Variants in SMC2 observed in about 807,000 individuals in gnomAD.
SMC2 encodes structural maintenance of chromosomes protein 2.
Under a neutral mutation model 142.6 loss-of-function variants are expected in SMC2, and 41 were observed. That is an observed-to-expected ratio of 0.29 (90% CI 0.22 to 0.37). The LOEUF (loss-of-function observed/expected upper bound fraction) is 0.37. Ranked by LOEUF, SMC2 falls within the 10% of genes least tolerant of loss-of-function variation. SMC2 has a pLI of 1.00. For synonymous variants in SMC2, 463 were observed against 457.5 expected (o/e 1.01, Z -0.15); for missense variants, 1,265 against 1,373.7 (o/e 0.92, Z 1.25).
chr9:104,100,799 G>A lies in SMC2; in HGVS notation c.636+366G>A, dbSNP rs527451076. Among the ~76,000 whole-genome samples the A allele has an allele frequency of 4.6e-5, 7 of 152,218 alleles. No individual in the cohort carries two copies. In the East Asian group the frequency reaches 1.2e-3, roughly 25 times the overall value. On this transcript the variant is annotated intron_variant, in intron 7 of 24. Transcript: ENST00000374793. ...GAGAACAATTTCCAGGATAACAGGG[G>A]CTATCACTATAATTATTGCTATCAA...
chr9:104,113,464 T>C lies in SMC2; in HGVS notation c.1403T>C (p.Leu468Pro), dbSNP rs748001380. ...AAACTTGAAGCTGAAATGAAAAAGC[T>C]AAATTATGAAGGTTTGCCTTTAAAA... ...KEKLEAEMKK[L>P]NYEENKEESL... Residue 468 changes from leucine (L) to proline (P), a missense_variant, in exon 11 of 25, where the codon CTA becomes CCA. Physicochemically the swap from Leu to Pro is moderately conservative, Grantham distance 98. This residue lies in a region of SMC2 where 898 missense variants were observed against 904.2 expected (regional missense o/e 0.99). Coordinates refer to ENST00000374793, the MANE Select transcript of SMC2 (RefSeq NM_006444.3). 6.2e-7 allele frequency: 1 copy of C among 1,601,118 alleles called. No individual in the cohort carries two copies. Among genetic ancestry groups the C allele is most frequent in the Non-Finnish European group, 8.5e-7 (1 of 1,175,598 alleles).
rs778988810 is a variant in SMC2, at chr9:104,139,184, G to T, written c.3463G>T (p.Val1155Phe). 1 of 1,598,342 alleles carries T rather than the reference G, an allele frequency of 6.3e-7. No homozygotes were observed. The change falls in exon 25 of 25, where the codon GTT (valine) becomes TTT (phenylalanine). Residue 1155 changes from valine to phenylalanine, a missense_variant. Physicochemically the swap from Val to Phe is conservative, Grantham distance 50. Around this residue, in one of 4 missense-constraint regions of SMC2, gnomAD observed 192 missense variants for 261.9 expected, o/e 0.73. Coordinates refer to ENST00000374793, the MANE Select transcript of SMC2 (RefSeq NM_006444.3). ...LKEGMFNNAN[V>F]LFKTKFVDGV... ...AGAAGGTATGTTCAACAATGCAAACGTTCTTTTCAAAACCAAGTTTGTGGA... is the reference window on the plus strand; with the variant it reads ...AGAAGGTATGTTCAACAATGCAAACTTTCTTTTCAAAACCAAGTTTGTGGA...
chr9:104,126,741 A>G lies in SMC2; in HGVS notation c.2552A>G (p.Glu851Gly). ...GTAAATGAAGCTATCAAATCCTATG[A>G]AAGTCAGATTGAAGTAATGGCAGCT... is the stretch of plus-strand genomic sequence containing the variant. The part of the protein sequence containing the change: ...EAVNEAIKSY[E>G]SQIEVMAAEV... Residue 851 changes from glutamate (E) to glycine (G), a missense_variant, in exon 19 of 25, where the codon GAA (glutamate) becomes GGA (glycine). This residue lies in a region of SMC2 where 898 missense variants were observed against 904.2 expected (regional missense o/e 0.99). Transcript: ENST00000374793. The G allele has an allele frequency of 6.2e-7, 1 of 1,612,656 alleles. No homozygotes were observed. The highest frequency in any genetic ancestry group is 8.5e-7 in the Non-Finnish European group (1 of 1,179,572).
intron 9 of SMC2, among the ~76,000 whole-genome samples, chr9:104,103,806 T>A (rs1037070184): frequency 6.6e-6 from 1 of 152,246 alleles, no homozygotes. Context: ...AGAAATACAT[T>A]GTTGAATTAA....
intron 9 of SMC2, among the ~76,000 whole-genome samples, chr9:104,109,656 A>G (rs1019888590): frequency 6.6e-5 from 10 of 152,318 alleles, no homozygotes; most frequent in Middle Eastern, 6.8e-3. Flanking sequence ...TTATTAGCAG[A>G]TTTTTCTCAA....
chr9:104,092,036 A>G (rs1308579910), upstream of SMC2: 1 of 152,160 alleles, frequency 6.6e-6, no homozygotes, highest in Non-Finnish European at 1.5e-5. Flanking sequence ...TACCCCTCAC[A>G]TCTCCAAATT....
chr9:104,094,349 T>A lies in SMC2; in HGVS notation c.-190T>A, dbSNP rs1830198739. ...TCCGGCGCGGGTGTTGAGAGCGGTG[T>A]GGCAGGTGTTGTAGCCGCTATGGTG... On this transcript the variant is annotated 5_prime_UTR_variant, in exon 1 of 25. Coordinates refer to ENST00000374793, the MANE Select transcript of SMC2 (RefSeq NM_006444.3). 5.0e-6 allele frequency: 2 copies of A among 398,582 alleles called. No homozygotes were observed. Among genetic ancestry groups the A allele is most frequent in the Non-Finnish European group, 8.8e-6 (2 of 226,198 alleles). The allele number at this position is 398,582 out of a possible 1,614,324, so 24.7% of individuals were successfully genotyped here. A position where few individuals can be genotyped will look rare whatever the true frequency, so the allele number is the denominator to read the frequency against.
At chr9:104,116,155 T>TGTC in intron 13 of SMC2, 45 bp from the exon 14 acceptor site, 2 of 1,538,952 alleles carry the variant, frequency 1.3e-6, no homozygotes, top group Non-Finnish European at 8.7e-7. Flanking sequence ...CTCAATTTTC[T>TGTC]GTCATTTTTA....
At chr9:104,117,476 G>A (rs548694785) in intron 14 of SMC2, among the ~76,000 whole-genome samples, 2 of 152,290 alleles carry the variant, frequency 1.3e-5, no homozygotes, top group East Asian at 1.9e-4. Context: ...GAAGCATTGT[G>A]ATCAAAATAG....
intron 14 of SMC2, 143 bp from the exon 15 acceptor site, chr9:104,118,028 T>G: frequency 3.2e-6 from 2 of 623,764 alleles, no homozygotes; most frequent in Non-Finnish European, 2.6e-6. Flanking sequence ...TTTACATAGC[T>G]TTTTAGAAAA....
intron 1 of SMC2, 96 bp downstream of exon 1, chr9:104,094,573 A>C: frequency 6.1e-6 from 2 of 325,232 alleles, no homozygotes; most frequent in Non-Finnish European, 1.1e-5. Flanking sequence ...CGGGGGCTGT[A>C]GGGAGGGGGA....
At chr9:104,092,309 C>T (rs756863822), upstream of SMC2, 6 of 152,210 alleles carry the variant, frequency 3.9e-5, no homozygotes, top group Non-Finnish European at 8.8e-5. Context: ...CCTTATCCAA[C>T]AACAGTGCAC....
chr9:104,130,119 T>G (rs1834780311), intron 21 of SMC2, among the ~76,000 whole-genome samples: 1 of 152,208 alleles, frequency 6.6e-6, no homozygotes, highest in African/African-American at 2.4e-5. Context: ...TTTCATTTCT[T>G]TCACTTGCAT....
rs1225566620 is a variant in SMC2, at chr9:104,138,156, A to G, written c.3408A>G (p.Thr1136=). The change falls in exon 24 of 25, where the codon ACA becomes ACG. Residue 1136 remains threonine, a synonymous_variant. Coordinates refer to ENST00000374793, the MANE Select transcript of SMC2 (RefSeq NM_006444.3). ...GACAGATGCTGCGTACTCATTTCACACATTCTCAGGTAAGAACCAGGAAAA... is the reference window on the plus strand; with the variant it reads ...GACAGATGCTGCGTACTCATTTCACGCATTCTCAGGTAAGAACCAGGAAAA... ...NIGQMLRTHF[T]HSQFIVVSLK... 9 of 1,599,422 alleles carry G rather than the reference A, an allele frequency of 5.6e-6. No homozygotes were observed. The highest frequency in any genetic ancestry group is 1.3e-5 in the African/African-American group (1 of 74,568).
At chr9:104,131,930 A>T (rs3780535) in intron 21 of SMC2, 79 bp from the exon 22 acceptor site, 16,423 of 738,220 alleles carry the variant, frequency 0.022, 966 homozygotes, top group African/African-American at 0.18. Flanking sequence ...AATAATGAAA[A>T]CTGTTTATTT....
rs1455150570 is a variant in SMC2 at position 104,100,888 on chromosome 9, CCTGA to C, written c.636+459_636+462del. Among the ~76,000 whole-genome samples, 5 of 152,136 alleles carry C rather than the reference CCTGA, an allele frequency of 3.3e-5. No homozygotes were observed. The South Asian group carries it at 6.2e-4, about 19-fold the overall frequency. ...GATTGTCTCTGTAATCTTTGCAGCT[CCTGA>C]CTGTCAAAAGACATGGCACAATATG... On this transcript the variant is annotated intron_variant, in intron 7 of 24. Transcript: ENST00000374793.
chr9:104,101,668 CATG>C (rs1260353215), intron 7 of SMC2, among the ~76,000 whole-genome samples: 1 of 151,950 alleles, frequency 6.6e-6, no homozygotes, highest in African/African-American at 2.4e-5. Flanking sequence ...AATAGTGTAA[CATG>C]GTGGGTGTGT....
Position 104,094,409 on chromosome 9 carries a change from G to GGC in SMC2, c.-130_-129insGC, listed in dbSNP as rs200182588. 1.0e-5 allele frequency: 4 copies of GGC among 398,866 alleles called. No homozygotes were observed. The highest frequency in any genetic ancestry group is 6.2e-5 in the African/African-American group (3 of 48,654). 24.7% of individuals were successfully genotyped at this position (398,866 alleles called of 1,614,324 possible). ...TTGTAGCGGCCCCGGCTAGAGAGTT[G>GGC]TTCTGTTCCCTGCCTTTGTGACCCG... is the stretch of plus-strand genomic sequence containing the variant. On this transcript the variant is annotated 5_prime_UTR_variant, in exon 1 of 25. Coordinates refer to ENST00000374793, the MANE Select transcript of SMC2 (RefSeq NM_006444.3).
chr9:104,094,070 G>T (rs573549926), upstream of SMC2, among the ~76,000 whole-genome samples: 2 of 152,290 alleles, frequency 1.3e-5, no homozygotes, highest in South Asian at 4.1e-4. Flanking sequence ...GGGCCGAGGT[G>T]TGGGGCTGAC....
Sources: allele counts gnomAD v4.1 joint callset (sites outside exome capture counted in the v4.1 genomes callset), GRCh38; gene constraint gnomAD v4.1.1; regional missense constraint gnomAD v4.1.1; transcripts MANE v1.5; gene names NCBI Gene and HGNC (gene_info 2026-07-23, HGNC 2026-07-21).